LGSN: variants seen among roughly 807,000 people sequenced by gnomAD.
LGSN encodes lengsin, lens protein with glutamine synthetase domain.
A neutral mutation model predicts 19.5 loss-of-function variants in LGSN; 21 were observed. That is an observed-to-expected ratio of 1.07 (90% CI 0.76 to 1.55). The LOEUF (loss-of-function observed/expected upper bound fraction) is 1.55, where lower values mean the gene tolerates loss of function less well. LGSN is among the 40% of genes most tolerant of loss of function. LGSN has a pLI of 0.00. For synonymous variants in LGSN, 257 were observed against 215.6 expected (o/e 1.19, Z -1.68); for missense variants, 673 against 608.5 (o/e 1.11, Z -1.12).
At chr6:63,459,233 C>T in the LGSN span, among the ~76,000 whole-genome samples, 2 of 152,214 alleles carry the variant, frequency 1.3e-5, no homozygotes, top group Admixed American at 1.3e-4. Context: ...TTTTGGTTCT[C>T]TCAAAAGATT....
At chr6:63,370,370 A>C in the LGSN span, among the ~76,000 whole-genome samples, 1 of 152,194 alleles carries the variant, frequency 6.6e-6, no homozygotes, top group Non-Finnish European at 1.5e-5. Flanking sequence ...ATAAAATAAG[A>C]ATCCCAAAAC....
chr6:63,482,141 ATTATTTCTTTTTT>A, the LGSN span, among the ~76,000 whole-genome samples: 1 of 151,974 alleles, frequency 6.6e-6, no homozygotes, highest in South Asian at 2.1e-4. Context: ...CACTTGACAT[ATTATTTCTTTTTT>A]TTTATTTAAA....
chr6:63,316,803 T>C (rs1375550599), intron 1 of LGSN, among the ~76,000 whole-genome samples: 2 of 151,822 alleles, frequency 1.3e-5, no homozygotes, highest in East Asian at 3.8e-4. Flanking sequence ...CTCTGTAATA[T>C]AGTATGAAAA....
At chr6:63,404,334 C>T in the LGSN span, among the ~76,000 whole-genome samples, 50 of 152,110 alleles carry the variant, frequency 3.3e-4, no homozygotes, top group African/African-American at 1.2e-3. Context: ...ATTACCAAAG[C>T]TTACTCAAAA....
chr6:63,565,510 G>A, the LGSN span, among the ~76,000 whole-genome samples: 2 of 152,032 alleles, frequency 1.3e-5, no homozygotes, highest in South Asian at 4.2e-4. Context: ...ACCTCAAATG[G>A]TTTGATATGA....
chr6:63,526,536 G>A, the LGSN span, among the ~76,000 whole-genome samples: 6 of 151,778 alleles, frequency 4.0e-5, no homozygotes, highest in Non-Finnish European at 7.4e-5. Context: ...TAGGCCAGGC[G>A]CAGTGGCTCA....
the LGSN span, among the ~76,000 whole-genome samples, chr6:63,439,948 T>C: frequency 4.9e-4 from 74 of 152,394 alleles, no homozygotes; most frequent in African/African-American, 1.7e-3. Context: ...TCTGCCTTTT[T>C]GTTCATTGTG....
chr6:63,520,630 C>CAAATAAATAAATAAAT, the LGSN span, among the ~76,000 whole-genome samples: 99 of 139,078 alleles, frequency 7.1e-4, no homozygotes, highest in African/African-American at 1.8e-3. Context: ...GACTCTGTCT[C>CAAATAAATAAATAAAT]AAATAAATAA....
the LGSN span, among the ~76,000 whole-genome samples, chr6:63,438,649 A>C: frequency 1.3e-5 from 2 of 152,206 alleles, no homozygotes; most frequent in South Asian, 2.1e-4. Flanking sequence ...TCAAAACCAC[A>C]ATGAGATACC....
chr6:63,326,451 A>C, the LGSN span, among the ~76,000 whole-genome samples: 2 of 152,098 alleles, frequency 1.3e-5, no homozygotes, highest in South Asian at 4.1e-4. Context: ...ATGCACCTGC[A>C]CTCCTCAGCC....
the LGSN span, among the ~76,000 whole-genome samples, chr6:63,557,676 A>G: frequency 2.0e-5 from 3 of 152,198 alleles, no homozygotes; most frequent in African/African-American, 7.2e-5. Context: ...AAAATGTGGC[A>G]TCTATGTTAG....
the LGSN span, among the ~76,000 whole-genome samples, chr6:63,344,908 G>C: frequency 6.6e-6 from 1 of 152,092 alleles, no homozygotes; most frequent in African/African-American, 2.4e-5. Context: ...GTGATAATGT[G>C]ATTATGTTAG....
the LGSN span, among the ~76,000 whole-genome samples, chr6:63,419,038 G>A: frequency 2.6e-5 from 4 of 152,198 alleles, no homozygotes; most frequent in Non-Finnish European, 5.9e-5. Context: ...TCACCCATAG[G>A]TAATGAGGCC....
At chr6:63,461,502 T>C in the LGSN span, among the ~76,000 whole-genome samples, 3 of 152,228 alleles carry the variant, frequency 2.0e-5, no homozygotes, top group African/African-American at 7.2e-5. Flanking sequence ...CACATCAACA[T>C]TGTGAACTTT....
At chr6:63,463,379 C>A in the LGSN span, among the ~76,000 whole-genome samples, 1 of 152,048 alleles carries the variant, frequency 6.6e-6, no homozygotes, top group African/African-American at 2.4e-5. Context: ...GTAAGGTGTG[C>A]CACAGAAATC....
chr6:63,487,562 A>G, the LGSN span, among the ~76,000 whole-genome samples: 19 of 152,314 alleles, frequency 1.2e-4, no homozygotes, highest in East Asian at 3.3e-3. Flanking sequence ...GAGAACTCAA[A>G]CTTGTCTTCT....
intron 1 of LGSN, among the ~76,000 whole-genome samples, chr6:63,302,415 T>C (rs1768217363): frequency 6.6e-6 from 1 of 152,286 alleles, no homozygotes; most frequent in South Asian, 2.1e-4. Context: ...AGGAGGTTCA[T>C]GGAAAGGTTT....
At chr6:63,523,302 G>A in the LGSN span, among the ~76,000 whole-genome samples, 1 of 152,000 alleles carries the variant, frequency 6.6e-6, no homozygotes, top group East Asian at 1.9e-4. Context: ...ATAAATGAAG[G>A]CGGGCAGATC....
At chr6:63,318,042 A>G (rs1034829448) in intron 1 of LGSN, among the ~76,000 whole-genome samples, 2 of 152,062 alleles carry the variant, frequency 1.3e-5, no homozygotes, top group African/African-American at 4.8e-5. Context: ...AAGAAGTAAG[A>G]ATGTGTTTTC....
Sources: allele counts gnomAD v4.1 joint callset (sites outside exome capture counted in the v4.1 genomes callset), GRCh38; gene constraint gnomAD v4.1.1; transcripts MANE v1.5; gene names NCBI Gene and HGNC (gene_info 2026-07-23, HGNC 2026-07-21).